The following NELL1 variants were observed in gnomAD, a reference collection of about 807,000 sequenced individuals.
NELL1 encodes the protein neural EGFL like 1.
A neutral mutation model predicts 107.4 loss-of-function variants in NELL1; 76 were observed. That is an observed-to-expected ratio of 0.71 (90% confidence interval 0.59 to 0.86). NELL1 has a LOEUF of 0.86. Ranked by LOEUF, NELL1 falls within the 40% of genes least tolerant of loss-of-function variation. The pLI, the probability that NELL1 is intolerant of heterozygous loss-of-function variation, is 0.00. For synonymous variants in NELL1, 353 were observed against 341.2 expected (o/e 1.03, Z -0.38); for missense variants, 1,024 against 1,005.5 (o/e 1.02, Z -0.25).
At chr11:21,023,575 T>A (rs1214193499) in intron 12 of NELL1, among the ~76,000 whole-genome samples, 1 of 147,096 alleles carries the variant, frequency 6.8e-6, no homozygotes, top group Non-Finnish European at 1.5e-5. Flanking sequence ...GCTGCTAAAT[T>A]TTTTTTTTAG....
intron 15 of NELL1, among the ~76,000 whole-genome samples, chr11:21,529,369 C>G (rs753452607): frequency 1.3e-5 from 2 of 152,156 alleles, no homozygotes; most frequent in Non-Finnish European, 2.9e-5. Flanking sequence ...CCAGGCACAT[C>G]CCTAAGAACC....
At chr11:21,113,532 T>A in intron 12 of NELL1, 57 bp from the exon 13 acceptor site, 1 of 1,515,726 alleles carries the variant, frequency 6.6e-7, no homozygotes, top group Non-Finnish European at 9.1e-7. Context: ...GCAAAATGAT[T>A]ACACTGTTGT....
rs374194398 is a variant in NELL1 at position 20,970,872 on chromosome 11, GA to G, written c.1300+10321del. On this transcript the variant is annotated intron_variant, in intron 12 of 19. Coordinates refer to ENST00000357134, the MANE Select transcript of NELL1 (RefSeq NM_006157.5). Reference sequence around the variant, plus strand: ...GCAAAACTGGATCCATTGGGTTATGGAAAAAAAAATTAGAACTTTTATTTAT... The same window carrying G: ...GCAAAACTGGATCCATTGGGTTATGGAAAAAAAATTAGAACTTTTATTTAT... Among the ~76,000 whole-genome samples the G allele has an allele frequency of 5.8e-3, 867 of 150,710 alleles. 10 individuals carry two copies. The highest frequency in any genetic ancestry group is 0.02 in the African/African-American group (818 of 41,172).
intron 14 of NELL1, among the ~76,000 whole-genome samples, chr11:21,351,970 T>C (rs541368172): frequency 1.3e-4 from 20 of 152,308 alleles, no homozygotes; most frequent in African/African-American, 4.6e-4. Context: ...GAATTTTCTG[T>C]TACCGTCTCC....
chr11:21,320,995 G>C (rs186801812), intron 14 of NELL1, among the ~76,000 whole-genome samples: 1 of 152,222 alleles, frequency 6.6e-6, no homozygotes, highest in East Asian at 1.9e-4. Context: ...GTTACATGTG[G>C]GGCAATCAAT....
chr11:20,847,525 A>T, intron 3 of NELL1, 58 bp from the exon 4 acceptor site: 1 of 1,544,726 alleles, frequency 6.5e-7, no homozygotes, highest in Non-Finnish European at 8.8e-7. Flanking sequence ...TGAGGGATTG[A>T]TGATGGCTGT....
chr11:20,774,489 C>G (rs1220947008), intron 2 of NELL1, among the ~76,000 whole-genome samples: 1 of 151,420 alleles, frequency 6.6e-6, no homozygotes, highest in East Asian at 2.0e-4. Flanking sequence ...TCTCAGCTTC[C>G]TGAGTAGCTG....
At chr11:20,952,539 A>G (rs1192960188) in intron 11 of NELL1, among the ~76,000 whole-genome samples, 2 of 152,206 alleles carry the variant, frequency 1.3e-5, no homozygotes, top group African/African-American at 2.4e-5. Flanking sequence ...AAGGCACTTA[A>G]TGAGAGTGTA....
chr11:21,164,063 G>A (rs181595592), intron 13 of NELL1, among the ~76,000 whole-genome samples: 88 of 152,218 alleles, frequency 5.8e-4, no homozygotes, highest in African/African-American at 2.0e-3. Context: ...TGCGAGTCAA[G>A]GAGAGAAGCC....
At chr11:21,232,245 G>C (rs986724846) in intron 14 of NELL1, among the ~76,000 whole-genome samples, 3 of 147,908 alleles carry the variant, frequency 2.0e-5, no homozygotes, top group Non-Finnish European at 4.5e-5. Context: ...CAGGCGAATT[G>C]CTCGAACCTG....
At chr11:20,882,804 T>A (rs1849434376) in intron 4 of NELL1, among the ~76,000 whole-genome samples, 2 of 152,218 alleles carry the variant, frequency 1.3e-5, no homozygotes, top group Non-Finnish European at 2.9e-5. Flanking sequence ...TAGCATCTAA[T>A]CCAGGATCCC....
chr11:21,264,220 C>T (rs941531168), intron 14 of NELL1, among the ~76,000 whole-genome samples: 1 of 151,736 alleles, frequency 6.6e-6, no homozygotes, highest in African/African-American at 2.4e-5. Context: ...AAAAAGAGCA[C>T]AGGCTTAGGA....
intron 14 of NELL1, among the ~76,000 whole-genome samples, chr11:21,234,256 A>G (rs1046088122): frequency 6.6e-6 from 1 of 152,208 alleles, no homozygotes; most frequent in Admixed American, 6.5e-5. Context: ...AGATACTGAA[A>G]TACAAAGCTT....
At chr11:20,761,262 A>G (rs939068210) in intron 2 of NELL1, among the ~76,000 whole-genome samples, 4 of 152,198 alleles carry the variant, frequency 2.6e-5, no homozygotes, top group African/African-American at 9.6e-5. Flanking sequence ...CTCAGGAACT[A>G]TAGCCTCAAT....
At chr11:21,439,703 A>T (rs748437931) in intron 15 of NELL1, among the ~76,000 whole-genome samples, 83 of 152,260 alleles carry the variant, frequency 5.5e-4, no homozygotes, top group Non-Finnish European at 7.2e-4. Flanking sequence ...GCTTCACGCC[A>T]TGTTTCAAGT....
chr11:20,705,316 G>T (rs1447723799), intron 2 of NELL1, among the ~76,000 whole-genome samples: 2 of 152,020 alleles, frequency 1.3e-5, no homozygotes, highest in Non-Finnish European at 2.9e-5. Context: ...CCAAAACAGA[G>T]ATATAGACCA....
chr11:21,398,434 T>C (rs1200863043), intron 15 of NELL1, among the ~76,000 whole-genome samples: 1 of 151,754 alleles, frequency 6.6e-6, no homozygotes, highest in Non-Finnish European at 1.5e-5. Context: ...TGAGTCCAGC[T>C]TTATAGAAAG....
At chr11:20,744,427 A>G (rs1855958166) in intron 2 of NELL1, among the ~76,000 whole-genome samples, 1 of 152,074 alleles carries the variant, frequency 6.6e-6, no homozygotes, top group African/African-American at 2.4e-5. Flanking sequence ...ATAACACACT[A>G]CTCTAAAACT....
intron 13 of NELL1, among the ~76,000 whole-genome samples, chr11:21,212,247 T>C (rs1440406024): frequency 6.6e-6 from 1 of 152,190 alleles, no homozygotes; most frequent in African/African-American, 2.4e-5. Flanking sequence ...ATGACAATAA[T>C]ACTTAATTGA....
Sources: gnomAD v4.1 joint callset for allele counts (sites outside exome capture counted in the v4.1 genomes callset) on GRCh38, gnomAD v4.1.1 for gene constraint, MANE v1.5 for transcripts, NCBI Gene and HGNC (gene_info 2026-07-23, HGNC 2026-07-21) for gene names.